Variants in NEGR1 observed in about 807,000 individuals in gnomAD.
NEGR1 encodes the protein IgLON family member 4.
In NEGR1, 10 loss-of-function variants were observed where a neutral mutation model predicts 40.9. That is an observed-to-expected ratio of 0.24 (90% CI 0.15 to 0.42). NEGR1 has a LOEUF of 0.42. Ranked by LOEUF, NEGR1 falls within the 10% of genes least tolerant of loss-of-function variation. The pLI, the probability that NEGR1 is intolerant of heterozygous loss-of-function variation, is 1.00. For missense variants in NEGR1, 352 were observed against 438.9 expected, an observed-to-expected ratio of 0.80 and a Z score of 1.77; for synonymous variants, 185 against 166.8, an observed-to-expected ratio of 1.11 and a Z score of -0.84.
intron 2 of NEGR1, among the ~76,000 whole-genome samples, chr1:71,904,468 T>C (rs550472174): frequency 6.6e-6 from 1 of 152,124 alleles, no homozygotes; most frequent in African/African-American, 2.4e-5. Context: ...GAATGTCTGA[T>C]AAAGTAATAT....
chr1:72,099,964 TAACCATTGCATGAC>T (rs1389337667), intron 1 of NEGR1, among the ~76,000 whole-genome samples: 3 of 151,976 alleles, frequency 2.0e-5, no homozygotes, highest in Admixed American at 2.0e-4. Context: ...TTCTTATATT[TAACCATTGCATGAC>T]AACTGAAATA....
chr1:71,850,456 A>T lies in NEGR1; in HGVS notation c.410-74159T>A, dbSNP rs530526295. Among the ~76,000 whole-genome samples the T allele has an allele frequency of 7.9e-5, 12 of 152,160 alleles. No individual in the cohort carries two copies. The East Asian group carries it at 2.1e-3, about 27-fold the overall frequency. ...CAGCACGAGCCACCACGCCCAGCCA[A>T]ATCTATTGTCTTGTCAAGAATATGT... On this transcript the variant is annotated intron_variant, in intron 2 of 6. Coordinates refer to ENST00000357731, the MANE Select transcript of NEGR1 (RefSeq NM_173808.3).
rs1646277718 is a variant in NEGR1 at position 71,406,351 on chromosome 1, C to T, written c.*1095G>A. The T allele has an allele frequency of 6.6e-6, 1 of 151,936 alleles. No homozygotes were observed. The highest frequency in any genetic ancestry group is 2.4e-5 in the African/African-American group (1 of 41,434). 9.4% of individuals were successfully genotyped at this position (151,936 alleles called of 1,614,324 possible). A position where few individuals can be genotyped will look rare whatever the true frequency, so the allele number is the denominator to read the frequency against. The stretch of plus-strand genomic sequence containing the variant: ...CCACAGGAGCACTGCCTCTGTCATA[C>T]TAACTTAGCTGCCACAAAATAAAAT... On this transcript the variant is annotated 3_prime_UTR_variant, in exon 7 of 7. Coordinates refer to ENST00000357731, the MANE Select transcript of NEGR1 (RefSeq NM_173808.3).
chr1:71,597,468 C>CTGTGTGTGTGTG (rs1331833538), intron 5 of NEGR1, among the ~76,000 whole-genome samples: 20 of 22,226 alleles, frequency 9.0e-4, no homozygotes, highest in East Asian at 2.1e-3. Context: ...CTCTCTCTCT[C>CTGTGTGTGTGTG]TCTCTGTGTG....
At chr1:71,796,379 A>G (rs952106389) in intron 2 of NEGR1, among the ~76,000 whole-genome samples, 3 of 152,148 alleles carry the variant, frequency 2.0e-5, no homozygotes, top group Non-Finnish European at 2.9e-5. Flanking sequence ...GTGTGTGTGT[A>G]ATTTTGGAGG....
At chr1:72,073,238 A>G (rs949588883) in intron 1 of NEGR1, among the ~76,000 whole-genome samples, 2 of 152,100 alleles carry the variant, frequency 1.3e-5, no homozygotes, top group African/African-American at 4.8e-5. Flanking sequence ...CGATCAATAG[A>G]TGAAGACTTT....
intron 1 of NEGR1, among the ~76,000 whole-genome samples, chr1:71,997,349 C>T (rs12568228): frequency 0.11 from 17,272 of 151,988 alleles, 1,034 homozygotes; most frequent in South Asian, 0.18. Context: ...ACACAACAGA[C>T]TACTTGTTGT....
At chr1:72,261,061 T>C (rs1363291874) in intron 1 of NEGR1, among the ~76,000 whole-genome samples, 2 of 152,074 alleles carry the variant, frequency 1.3e-5, no homozygotes, top group Non-Finnish European at 2.9e-5. Flanking sequence ...TAAAAAATCA[T>C]TTTAACATTT....
intron 1 of NEGR1, among the ~76,000 whole-genome samples, chr1:71,951,788 T>C: frequency 6.6e-6 from 1 of 151,948 alleles, no homozygotes; most frequent in Admixed American, 6.6e-5. Flanking sequence ...GTGTCATTTT[T>C]CCAACAGCAT....
At chr1:72,105,779 A>C (rs970299002) in intron 1 of NEGR1, among the ~76,000 whole-genome samples, 15 of 151,950 alleles carry the variant, frequency 9.9e-5, no homozygotes, top group African/African-American at 3.1e-4. Flanking sequence ...GATGGAGACC[A>C]TTGTTTCATA....
At chr1:71,612,692 G>A (rs1386872974) in intron 4 of NEGR1, among the ~76,000 whole-genome samples, 1 of 152,216 alleles carries the variant, frequency 6.6e-6, no homozygotes, top group Non-Finnish European at 1.5e-5. Context: ...GGTAATCTGA[G>A]TAGGCCTCAT....
At chr1:71,730,052 T>C (rs936910869) in intron 3 of NEGR1, among the ~76,000 whole-genome samples, 1 of 151,876 alleles carries the variant, frequency 6.6e-6, no homozygotes, top group Admixed American at 6.6e-5. Flanking sequence ...AAATAGGGGA[T>C]CAGAAAGATT....
rs115191131 is a variant in NEGR1, at chr1:71,913,773, C to T, written c.409+21306G>A. On this transcript the variant is annotated intron_variant, in intron 2 of 6. Coordinates refer to ENST00000357731, the MANE Select transcript of NEGR1 (RefSeq NM_173808.3). ...ACAAAAGAAAAAGAAACAGAGCTTC[C>T]ATTTCTGAATTCTATTATTTTACAG... Among the ~76,000 whole-genome samples the T allele has an allele frequency of 2.4e-3, 364 of 151,236 alleles. 2 individuals are homozygous for T. The highest frequency in any genetic ancestry group is 8.5e-3 in the African/African-American group (351 of 41,338).
At chr1:71,723,176 T>C (rs1654566729) in intron 3 of NEGR1, among the ~76,000 whole-genome samples, 1 of 152,152 alleles carries the variant, frequency 6.6e-6, no homozygotes, top group Non-Finnish European at 1.5e-5. Flanking sequence ...TGTTTTAATC[T>C]TTATTGGGCT....
intron 1 of NEGR1, among the ~76,000 whole-genome samples, chr1:72,266,270 T>A (rs528113806): frequency 6.6e-6 from 1 of 150,962 alleles, no homozygotes; most frequent in Non-Finnish European, 1.5e-5. Context: ...CTATGTTAAC[T>A]AATAACAAAT....
At chr1:71,990,662 C>A (rs144455427) in intron 1 of NEGR1, among the ~76,000 whole-genome samples, 122 of 152,140 alleles carry the variant, frequency 8.0e-4, no homozygotes, top group African/African-American at 2.7e-3. Flanking sequence ...ACATCTGTTT[C>A]TTAGAATAGT....
intron 6 of NEGR1, among the ~76,000 whole-genome samples, chr1:71,536,560 T>A (rs1311517691): frequency 6.6e-6 from 1 of 151,732 alleles, no homozygotes; most frequent in African/African-American, 2.4e-5. Context: ...ATAAAACTCT[T>A]TTCTTTGTAA....
At chr1:71,721,414 C>T (rs1654507512) in intron 3 of NEGR1, among the ~76,000 whole-genome samples, 1 of 152,068 alleles carries the variant, frequency 6.6e-6, no homozygotes, top group Non-Finnish European at 1.5e-5. Context: ...GTAGTCATTA[C>T]TTTAAAAGCT....
At chr1:71,833,036 A>C (rs1393320081) in intron 2 of NEGR1, among the ~76,000 whole-genome samples, 2 of 152,064 alleles carry the variant, frequency 1.3e-5, no homozygotes, top group African/African-American at 4.8e-5. Context: ...ATCATGAAAA[A>C]TAGATCCATA....
Sources: allele counts gnomAD v4.1 joint callset (sites outside exome capture counted in the v4.1 genomes callset), GRCh38; gene constraint gnomAD v4.1.1; transcripts MANE v1.5; gene names NCBI Gene and HGNC (gene_info 2026-07-23, HGNC 2026-07-21).